Variants in ENTPD1 observed in about 807,000 individuals in gnomAD.
The protein encoded by ENTPD1 is ectonucleoside triphosphate diphosphohydrolase 1.
Under a neutral mutation model 57.0 loss-of-function variants are expected in ENTPD1, and 33 were observed. The observed-to-expected ratio is 0.58, with a 90% CI of 0.44 to 0.77. The LOEUF (loss-of-function observed/expected upper bound fraction) is 0.77. Ranked by LOEUF, ENTPD1 falls within the 30% of genes least tolerant of loss-of-function variation. The pLI, the probability that ENTPD1 is intolerant of heterozygous loss-of-function variation, is 0.00. For missense variants in ENTPD1, 501 were observed against 603.4 expected (o/e 0.83, Z 1.78); for synonymous variants, 202 against 218.8 (o/e 0.92, Z 0.68).
At chr10:95,709,673 G>C (rs1453946474), upstream of ENTPD1, among the ~76,000 whole-genome samples, 4 of 151,966 alleles carry the variant, frequency 2.6e-5, no homozygotes, top group African/African-American at 9.7e-5. Context: ...CTGAGCCACC[G>C]GGCCTGGGCC....
chr10:95,813,367 C>T lies in ENTPD1; in HGVS notation c.17-9870C>T, dbSNP rs1480948519. 2.0e-5 allele frequency among the ~76,000 whole-genome samples: 3 copies of T among 152,124 alleles called. No individual in the cohort carries two copies. The East Asian group carries it at 5.8e-4, about 29-fold the overall frequency. On this transcript the variant is annotated intron_variant, in intron 1 of 9. Coordinates refer to ENST00000371205, the MANE Select transcript of ENTPD1 (RefSeq NM_001776.6). ...TCCATGTTCAAAAAATGGTGGTGAC[C>T]TTAGGTGGAGTTTTTGGCCCTCTGA...
At chr10:95,713,099 G>C (rs1293973221) in intron 1 of ENTPD1, among the ~76,000 whole-genome samples, 1 of 151,228 alleles carries the variant, frequency 6.6e-6, no homozygotes, top group Non-Finnish European at 1.5e-5. Context: ...CTACTTCTCA[G>C]TGAATTTTCG....
At position 95,731,781 on chromosome 10, in the gene ENTPD1, C is replaced by CTTTTTTTTTTTTTTTTTTTTTTTTTT. The variant is rs34841311; in HGVS notation, c.37+19809_37+19810insTTTTTTTTTTTTTTTTTTTTTTTTTT. Among the ~76,000 whole-genome samples, 17 of 79,178 alleles carry CTTTTTTTTTTTTTTTTTTTTTTTTTT rather than the reference C, an allele frequency of 2.1e-4. 3 individuals carry two copies. The highest frequency in any genetic ancestry group is 7.2e-4 in the Admixed American group (4 of 5,520). 51.9% of individuals were successfully genotyped at this position (79,178 alleles called of 152,430 possible). Reference sequence around the variant, plus strand: ...GGTAAGAATTAGAGGAGTGGACATCCTTTTTTTTTTTTTTTTTTTTTGACA... The same window carrying CTTTTTTTTTTTTTTTTTTTTTTTTTT: ...GGTAAGAATTAGAGGAGTGGACATCCTTTTTTTTTTTTTTTTTTTTTTTTTTTTTTTTTTTTTTTTTTTTTTTGACA... On this transcript the variant is annotated intron_variant, in intron 1 of 9. Coordinates refer to the ENTPD1 transcript ENST00000453258.
Position 95,876,312 on chromosome 10 carries a change from T to C in ENTPD1, c.*9929T>C. On this transcript the variant is annotated 3_prime_UTR_variant, in exon 10 of 10. Transcript: ENST00000371205. ...AATTATGAAATGACTTTTGGCCTAG[T>C]AACAATGAAAATGGGGGCAAATACA... 4 of 985,090 alleles carry C rather than the reference T, an allele frequency of 4.1e-6. No individual in the cohort carries two copies. The highest frequency in any genetic ancestry group is 4.7e-5 in the South Asian group (1 of 21,280). 61.0% of individuals were successfully genotyped at this position (985,090 alleles called of 1,614,324 possible).
intron 1 of ENTPD1, among the ~76,000 whole-genome samples, chr10:95,796,336 A>G (rs1188476332): frequency 6.6e-6 from 1 of 152,182 alleles, no homozygotes; most frequent in Non-Finnish European, 1.5e-5. Flanking sequence ...GTCCATCATT[A>G]GAGAAGGGGA....
At chr10:95,782,072 C>T (rs143395610) in intron 1 of ENTPD1, among the ~76,000 whole-genome samples, 80 of 152,342 alleles carry the variant, frequency 5.3e-4, no homozygotes, top group Non-Finnish European at 1.0e-3. Flanking sequence ...CCAAAATACA[C>T]TGCTCTGAGC....
In ENTPD1 at chr10:95,769,675, T is replaced by C. The variant is rs138105931; in HGVS notation, c.16+13420T>C. On this transcript the variant is annotated intron_variant, in intron 1 of 9. Coordinates refer to ENST00000371205, the MANE Select transcript of ENTPD1 (RefSeq NM_001776.6). The stretch of plus-strand genomic sequence containing the variant: ...TGTAGAGAACAGACATAAAGGGATA[T>C]AAGCAGAGAGACTAGTCGGGAGACT... Among the ~76,000 whole-genome samples, 6 of 152,292 alleles carry C rather than the reference T, an allele frequency of 3.9e-5. No individual in the cohort carries two copies. The East Asian group carries it at 1.2e-3, about 29-fold the overall frequency.
chr10:95,817,774 T>C (rs1028445718), intron 1 of ENTPD1, among the ~76,000 whole-genome samples: 2 of 152,260 alleles, frequency 1.3e-5, no homozygotes, highest in Non-Finnish European at 2.9e-5. Context: ...CTTAAAATTA[T>C]GTAATACACT....
Position 95,767,840 on chromosome 10 carries a change from C to T in ENTPD1, c.16+11585C>T, listed in dbSNP as rs528804600. On this transcript the variant is annotated intron_variant, in intron 1 of 9. Transcript: ENST00000371205. ...TAGTTTGAATATGTCCCCCCAAAAG[C>T]ATATGTTCAAAACTTAATCCCCAGT... Among the ~76,000 whole-genome samples, 88 of 152,276 alleles carry T rather than the reference C, an allele frequency of 5.8e-4. No homozygotes were observed. In the South Asian group the frequency reaches 0.017, roughly 30 times the overall value.
In ENTPD1 at chr10:95,870,070, T is replaced by C. The variant is rs2098478760; in HGVS notation, c.*3687T>C. 8.1e-6 allele frequency: 8 copies of C among 985,264 alleles called. No homozygotes were observed. The Admixed American group carries it at 4.9e-4, about 61-fold the overall frequency. 61.0% of individuals were successfully genotyped at this position (985,264 alleles called of 1,614,324 possible). ...AGATGCTGTAACATTCTTGCTATTA[T>C]TTATTATATATGACATTATTCCTAA... On this transcript the variant is annotated 3_prime_UTR_variant, in exon 10 of 10. Coordinates refer to ENST00000371205, the MANE Select transcript of ENTPD1 (RefSeq NM_001776.6).
intron 1 of ENTPD1, among the ~76,000 whole-genome samples, chr10:95,719,622 C>T (rs2097975326): frequency 6.6e-6 from 1 of 152,152 alleles, no homozygotes; most frequent in Non-Finnish European, 1.5e-5. Flanking sequence ...GTTTGGAAAC[C>T]TTGTAGCCAC....
At chr10:95,724,161 CAAAAAAA>C (rs35316347) in intron 1 of ENTPD1, among the ~76,000 whole-genome samples, 1 of 50,348 alleles carries the variant, frequency 2.0e-5, no homozygotes, top group African/African-American at 9.0e-5. Context: ...GACTCTGTCT[CAAAAAAA>C]AAAAAAAAAA....
chr10:95,822,276 G>A (rs900573678), intron 1 of ENTPD1, among the ~76,000 whole-genome samples: 11 of 151,878 alleles, frequency 7.2e-5, no homozygotes, highest in African/African-American at 2.7e-4. Context: ...GGGATTACAA[G>A]CGTGAGCCAC....
the ENTPD1 span, among the ~76,000 whole-genome samples, chr10:95,701,673 G>C: frequency 3.9e-5 from 6 of 152,150 alleles, no homozygotes; most frequent in Non-Finnish European, 8.8e-5. Flanking sequence ...AATTGACCAT[G>C]TATTATGCCA....
At chr10:95,856,669 T>TAC (rs1269702664) in intron 7 of ENTPD1, among the ~76,000 whole-genome samples, 1 of 147,890 alleles carries the variant, frequency 6.8e-6, no homozygotes, top group Non-Finnish European at 1.5e-5. Context: ...TATATATATA[T>TAC]ATACACACAC....
chr10:95,803,292 C>G (rs2098258249), intron 1 of ENTPD1, among the ~76,000 whole-genome samples: 1 of 152,152 alleles, frequency 6.6e-6, no homozygotes, highest in African/African-American at 2.4e-5. Context: ...CACTGTCTTC[C>G]ACAATGGTTG....
intron 2 of ENTPD1, among the ~76,000 whole-genome samples, chr10:95,829,820 AG>A (rs1244716198): frequency 6.6e-6 from 1 of 152,134 alleles, no homozygotes; most frequent in Admixed American, 6.5e-5. Context: ...ATTAAGAGGC[AG>A]GGCCTTTAAG....
chr10:95,776,674 T>G (rs1471125566), intron 1 of ENTPD1, among the ~76,000 whole-genome samples: 1 of 152,192 alleles, frequency 6.6e-6, no homozygotes, highest in African/African-American at 2.4e-5. Context: ...ATTTGAATAT[T>G]GGCCTGCCTT....
At chr10:95,715,231 A>T (rs533593514) in intron 1 of ENTPD1, among the ~76,000 whole-genome samples, 1 of 152,120 alleles carries the variant, frequency 6.6e-6, no homozygotes, top group South Asian at 2.1e-4. Context: ...TATTTGCTTC[A>T]TGTATTTTGG....
Sources: allele counts gnomAD v4.1 joint callset (sites outside exome capture counted in the v4.1 genomes callset), GRCh38; gene constraint gnomAD v4.1.1; transcripts MANE v1.5; gene names NCBI Gene and HGNC (gene_info 2026-07-23, HGNC 2026-07-21).